EPHA7: variants seen among roughly 807,000 people sequenced by gnomAD.
The protein encoded by EPHA7 is ephrin type-A receptor 7.
In EPHA7, 25 loss-of-function variants were observed where a neutral mutation model predicts 112.6. The observed-to-expected ratio is 0.22, with a 90% CI of 0.16 to 0.31. The LOEUF (loss-of-function observed/expected upper bound fraction) is 0.31. EPHA7 is among the 10% of genes least tolerant of loss of function. The pLI, the probability that EPHA7 is intolerant of heterozygous loss-of-function variation, is 1.00. For missense variants in EPHA7, 962 were observed against 1,212.6 expected (o/e 0.79, Z 3.07); for synonymous variants, 437 against 406.5 (o/e 1.07, Z -0.90).
chr6:93,268,290 G>A (rs1015238359), intron 7 of EPHA7, among the ~76,000 whole-genome samples: 5 of 151,600 alleles, frequency 3.3e-5, no homozygotes, highest in South Asian at 2.1e-4. Flanking sequence ...GGCTATAAGA[G>A]TTACAGATTT....
intron 5 of EPHA7, among the ~76,000 whole-genome samples, chr6:93,311,372 CCTT>C (rs1427056941): frequency 6.6e-6 from 1 of 152,046 alleles, no homozygotes; most frequent in Non-Finnish European, 1.5e-5. Flanking sequence ...TATTTTAAGT[CCTT>C]CTTTGTCATT....
intron 3 of EPHA7, among the ~76,000 whole-genome samples, chr6:93,399,291 A>C (rs544952815): frequency 6.6e-6 from 1 of 152,208 alleles, no homozygotes; most frequent in South Asian, 2.1e-4. Flanking sequence ...ATAAAAAGTG[A>C]AGTTTACTTT....
chr6:93,243,423 A>G lies in EPHA7; in HGVS notation c.*3T>C, dbSNP rs1402692845. 3.7e-6 allele frequency: 6 copies of G among 1,604,932 alleles called. No individual in the cohort carries two copies. In the African/African-American group the frequency reaches 4.0e-5, roughly 11 times the overall value. ...AATCTCCCTTAAAAGGGAGAAATGC[A>G]TATCACACTTGAATGCCAGTTCCAT... On this transcript the variant is annotated 3_prime_UTR_variant, in exon 17 of 17. Coordinates refer to ENST00000369303, the MANE Select transcript of EPHA7 (RefSeq NM_004440.4).
At chr6:93,295,423 A>G (rs1772609484) in intron 5 of EPHA7, among the ~76,000 whole-genome samples, 1 of 151,496 alleles carries the variant, frequency 6.6e-6, no homozygotes, top group Admixed American at 6.6e-5. Context: ...CTTCAGTTTC[A>G]CACATTGTGA....
At chr6:93,327,817 CCT>C (rs1404686444) in intron 5 of EPHA7, among the ~76,000 whole-genome samples, 9 of 151,444 alleles carry the variant, frequency 5.9e-5, no homozygotes, top group Non-Finnish European at 1.2e-4. Flanking sequence ...CCTGAGAACC[CCT>C]CTTAGCTATT....
intron 5 of EPHA7, among the ~76,000 whole-genome samples, chr6:93,290,706 T>G (rs1772315226): frequency 6.6e-6 from 1 of 152,218 alleles, no homozygotes; most frequent in African/African-American, 2.4e-5. Flanking sequence ...GGTTTGGCAG[T>G]AATGTTTGCT....
At chr6:93,295,492 T>C (rs1320619674) in intron 5 of EPHA7, among the ~76,000 whole-genome samples, 1 of 151,392 alleles carries the variant, frequency 6.6e-6, no homozygotes, top group African/African-American at 2.4e-5. Context: ...AAATATATAA[T>C]AGATATTTCT....
chr6:93,395,588 C>T (rs1778129736), intron 3 of EPHA7, among the ~76,000 whole-genome samples: 1 of 151,262 alleles, frequency 6.6e-6, no homozygotes, highest in Admixed American at 6.6e-5. Context: ...CACACACACA[C>T]ACACACACAC....
At chr6:93,322,127 C>T (rs976279175) in intron 5 of EPHA7, among the ~76,000 whole-genome samples, 3 of 151,598 alleles carry the variant, frequency 2.0e-5, no homozygotes, top group South Asian at 2.1e-4. Context: ...GATGCATACA[C>T]GCACATATTT....
intron 9 of EPHA7, chr6:93,260,474 A>G (rs1328609750): frequency 1.1e-6 from 1 of 897,366 alleles, no homozygotes; most frequent in Non-Finnish European, 1.3e-6. Flanking sequence ...AAATTACACT[A>G]TATCCTCAAA....
chr6:93,364,119 T>C (rs975817157), intron 3 of EPHA7, among the ~76,000 whole-genome samples: 1 of 152,156 alleles, frequency 6.6e-6, no homozygotes, highest in Non-Finnish European at 1.5e-5. Context: ...TAAAAATGAT[T>C]TGCGGTGACA....
intron 5 of EPHA7, among the ~76,000 whole-genome samples, chr6:93,303,661 C>T (rs562268854): frequency 6.6e-6 from 1 of 152,076 alleles, no homozygotes; most frequent in Non-Finnish European, 1.5e-5. Flanking sequence ...AGTATCTGCT[C>T]TGCGTTTTAA....
At chr6:93,407,475 A>G (rs1778776920) in intron 3 of EPHA7, among the ~76,000 whole-genome samples, 1 of 152,046 alleles carries the variant, frequency 6.6e-6, no homozygotes, top group East Asian at 1.9e-4. Context: ...TTTGCAAATG[A>G]ACATAGTTCC....
chr6:93,270,297 C>T (rs925514317), intron 6 of EPHA7, among the ~76,000 whole-genome samples: 2 of 151,214 alleles, frequency 1.3e-5, no homozygotes, highest in African/African-American at 4.8e-5. Context: ...TCATTTTGTT[C>T]ATATTTCAGA....
intron 3 of EPHA7, among the ~76,000 whole-genome samples, chr6:93,368,078 G>A (rs1195130539): frequency 6.6e-6 from 1 of 152,080 alleles, no homozygotes; most frequent in Non-Finnish European, 1.5e-5. Flanking sequence ...AGGTATATCA[G>A]CTAAAAAGAC....
At chr6:93,323,774 T>G (rs1402299048) in intron 5 of EPHA7, among the ~76,000 whole-genome samples, 1 of 151,496 alleles carries the variant, frequency 6.6e-6, no homozygotes, top group Admixed American at 6.6e-5. Flanking sequence ...CATTTTTGGA[T>G]GTAGCTAAAT....
In EPHA7 at chr6:93,419,332, G is replaced by C. The variant is rs202112730; in HGVS notation, c.10C>G (p.Gln4Glu). 3 of 1,613,604 alleles carry C rather than the reference G, an allele frequency of 1.9e-6. No homozygotes were observed. Among genetic ancestry groups the C allele is most frequent in the Non-Finnish European group, 2.5e-6 (3 of 1,179,680 alleles). ...ATAATCCATGAAGGGTACCGAGTTTGAAAAACCATGGTGCATGAGCAGGTT... is the reference window on the plus strand; with the variant it reads ...ATAATCCATGAAGGGTACCGAGTTTCAAAAACCATGGTGCATGAGCAGGTT... MVF[Q>E]TRYPSWIILC... is the part of the protein sequence containing the mutation. Residue 4 changes from glutamine to glutamate, a missense_variant, in exon 1 of 17, where the codon CAA becomes GAA. Physicochemically the swap from Gln to Glu is conservative, Grantham distance 29. Coordinates refer to ENST00000369303, the MANE Select transcript of EPHA7 (RefSeq NM_004440.4).
intron 9 of EPHA7, chr6:93,260,382 T>A: frequency 3.0e-6 from 1 of 332,580 alleles, no homozygotes; most frequent in Non-Finnish European, 4.3e-6. Flanking sequence ...AAAATTCAAT[T>A]ACAATAATGT....
chr6:93,284,469 G>T (rs1172828784), intron 5 of EPHA7, among the ~76,000 whole-genome samples: 1 of 152,038 alleles, frequency 6.6e-6, no homozygotes, highest in Non-Finnish European at 1.5e-5. Flanking sequence ...GGAGAAGGAA[G>T]TGAAAAGGAA....
Sources: allele counts gnomAD v4.1 joint callset (sites outside exome capture counted in the v4.1 genomes callset), GRCh38; gene constraint gnomAD v4.1.1; transcripts MANE v1.5; gene names NCBI Gene and HGNC (gene_info 2026-07-23, HGNC 2026-07-21).